Variants in LOC128706666 observed in about 807,000 individuals in gnomAD.
At chr20:10,415,508 A>C in the LOC128706666 span, among the ~76,000 whole-genome samples, 1 of 152,314 alleles carries the variant, frequency 6.6e-6, no homozygotes, top group Non-Finnish European at 1.5e-5. Context: ...CTGTGGTGAT[A>C]AAGCTATTGT....
chr20:10,429,419 T>A, the LOC128706666 span, among the ~76,000 whole-genome samples: 1 of 152,210 alleles, frequency 6.6e-6, no homozygotes, highest in Non-Finnish European at 1.5e-5. Flanking sequence ...ACTTCTATGA[T>A]CATGCATCCA....
the LOC128706666 span, among the ~76,000 whole-genome samples, chr20:10,418,131 G>A: frequency 1.3e-5 from 2 of 152,322 alleles, no homozygotes; most frequent in South Asian, 4.1e-4. Flanking sequence ...GTTTGTGTAT[G>A]TGTGTTTATT....
the LOC128706666 span, among the ~76,000 whole-genome samples, chr20:10,429,955 A>C: frequency 1.3e-5 from 2 of 152,216 alleles, no homozygotes; most frequent in African/African-American, 4.8e-5. Flanking sequence ...TTCTGAAGCT[A>C]AAGTTTGAGA....
the LOC128706666 span, among the ~76,000 whole-genome samples, chr20:10,426,360 T>C: frequency 6.6e-6 from 1 of 152,332 alleles, no homozygotes. Flanking sequence ...GGCACACCCT[T>C]GAGGATCACT....
the LOC128706666 span, among the ~76,000 whole-genome samples, chr20:10,421,416 C>CAAA: frequency 1.2e-5 from 1 of 86,106 alleles, no homozygotes; most frequent in Admixed American, 1.2e-4. Context: ...GACTCCATCA[C>CAAA]AAAAAAAAAA....
chr20:10,427,821 T>C, the LOC128706666 span, among the ~76,000 whole-genome samples: 1 of 152,194 alleles, frequency 6.6e-6, no homozygotes, highest in Non-Finnish European at 1.5e-5. Context: ...AATGAACCCA[T>C]GGATCATAAT....
the LOC128706666 span, among the ~76,000 whole-genome samples, chr20:10,432,403 C>T: frequency 1.3e-5 from 2 of 152,188 alleles, no homozygotes; most frequent in Admixed American, 6.5e-5. Flanking sequence ...ACATCTTGCT[C>T]AATATCAATG....
chr20:10,423,834 T>C, the LOC128706666 span, among the ~76,000 whole-genome samples: 1 of 152,354 alleles, frequency 6.6e-6, no homozygotes, highest in African/African-American at 2.4e-5. Context: ...AACTGAAAAC[T>C]CTATTTGCTA....
the LOC128706666 span, chr20:10,413,818 G>A: frequency 1.9e-6 from 1 of 516,256 alleles, no homozygotes; most frequent in South Asian, 3.4e-5. Context: ...TATGTTCCAA[G>A]ATGGACACCT....
At chr20:10,422,713 CT>C in the LOC128706666 span, among the ~76,000 whole-genome samples, 6,049 of 143,314 alleles carry the variant, frequency 0.042, 333 homozygotes, top group African/African-American at 0.14. Flanking sequence ...GTTATATTAT[CT>C]TTTTTTTTTT....
chr20:10,414,015 C>A, the LOC128706666 span: 4 of 390,986 alleles, frequency 1.0e-5, no homozygotes, highest in Non-Finnish European at 1.8e-5. Context: ...TTCTAATGCT[C>A]TGCTGCCTTT....
chr20:10,430,770 A>G, the LOC128706666 span, among the ~76,000 whole-genome samples: 1 of 152,258 alleles, frequency 6.6e-6, no homozygotes, highest in African/African-American at 2.4e-5. Flanking sequence ...AAACTGATAC[A>G]GAGCAAAGAA....
the LOC128706666 span, among the ~76,000 whole-genome samples, chr20:10,414,833 T>C: frequency 2.0e-5 from 3 of 152,200 alleles, no homozygotes; most frequent in Non-Finnish European, 4.4e-5. Context: ...TTTAAACACC[T>C]GGCTAAAGTC....
chr20:10,425,461 T>G, the LOC128706666 span, among the ~76,000 whole-genome samples: 1 of 152,234 alleles, frequency 6.6e-6, no homozygotes, highest in Non-Finnish European at 1.5e-5. Context: ...ATTAACTCAT[T>G]TTTCAAATGA....
chr20:10,423,141 TAA>T, the LOC128706666 span, among the ~76,000 whole-genome samples: 13 of 152,202 alleles, frequency 8.5e-5, no homozygotes, highest in African/African-American at 3.1e-4. Context: ...CCCTAGCTTA[TAA>T]AAAGAGATTA....
the LOC128706666 span, among the ~76,000 whole-genome samples, chr20:10,427,617 G>A: frequency 7.2e-5 from 11 of 152,204 alleles, no homozygotes; most frequent in African/African-American, 2.4e-4. Context: ...TTTGAATTGT[G>A]GCATTTTTTC....
chr20:10,420,610 T>A, the LOC128706666 span: 2 of 152,220 alleles, frequency 1.3e-5, no homozygotes. Context: ...CTCAGGAATG[T>A]CGTCGTTTTT....
the LOC128706666 span, among the ~76,000 whole-genome samples, chr20:10,433,840 A>G: frequency 6.6e-6 from 1 of 151,546 alleles, no homozygotes; most frequent in Admixed American, 6.6e-5. Context: ...GTGAGGCGCC[A>G]CTCCTCCAGC....
At chr20:10,428,795 G>C in the LOC128706666 span, among the ~76,000 whole-genome samples, 1 of 152,140 alleles carries the variant, frequency 6.6e-6, no homozygotes, top group Non-Finnish European at 1.5e-5. Context: ...AGTGAGTCGA[G>C]ATCGCGCCAT....
Sources: gnomAD v4.1 joint callset for allele counts (sites outside exome capture counted in the v4.1 genomes callset) on GRCh38, gnomAD v4.1.1 for gene constraint, MANE v1.5 for transcripts.